Variants in NRCAM observed in about 807,000 individuals in gnomAD.
NRCAM encodes neuronal cell adhesion molecule, also known as NgCAM-related cell adhesion molecule.
Under a neutral mutation model 156.5 loss-of-function variants are expected in NRCAM, and 83 were observed. The observed-to-expected ratio is 0.53, with a 90% confidence interval of 0.44 to 0.64. NRCAM has a LOEUF of 0.64. Among genes scored for constraint, NRCAM ranks in the 30% least tolerant of loss-of-function variants. NRCAM has a pLI of 0.00. For synonymous variants in NRCAM, 538 were observed against 563.9 expected, an observed-to-expected ratio of 0.95 and a Z score of 0.65; for missense variants, 1,417 against 1,597.3, an observed-to-expected ratio of 0.89 and a Z score of 1.92.
At chr7:108,370,791 T>C (rs2099623379) in intron 2 of NRCAM, among the ~76,000 whole-genome samples, 1 of 152,176 alleles carries the variant, frequency 6.6e-6, no homozygotes, top group East Asian at 1.9e-4. Flanking sequence ...CTAGTCAAGA[T>C]GGCAGCACAC....
chr7:108,439,426 A>G (rs539414993), intron 1 of NRCAM, among the ~76,000 whole-genome samples: 1 of 152,350 alleles, frequency 6.6e-6, no homozygotes, highest in South Asian at 2.1e-4. Flanking sequence ...AAAAACCGGC[A>G]AAACATTTAG....
In NRCAM at chr7:108,149,760, G is replaced by A; in HGVS notation, c.*150C>T. On this transcript the variant is annotated 3_prime_UTR_variant, in exon 33 of 33. Coordinates refer to ENST00000379028, the MANE Select transcript of NRCAM (RefSeq NM_001037132.4). The stretch of plus-strand genomic sequence containing the variant: ...TCATATTAACATATCATTTGACTGA[G>A]TTATGTTTTTGCTGTAACTATTCTC... 1.5e-6 allele frequency: 1 copy of A among 676,102 alleles called. No homozygotes were observed. Among genetic ancestry groups the A allele is most frequent in the South Asian group, 2.0e-5 (1 of 50,472 alleles). The allele number at this position is 676,102 out of a possible 1,614,324, so 41.9% of individuals were successfully genotyped here. A position where few individuals can be genotyped will look rare whatever the true frequency, so the allele number is the denominator to read the frequency against.
At chr7:108,455,252 G>C (rs896066582) in intron 1 of NRCAM, among the ~76,000 whole-genome samples, 1 of 152,144 alleles carries the variant, frequency 6.6e-6, no homozygotes, top group Non-Finnish European at 1.5e-5. Flanking sequence ...AGCTGAGCTG[G>C]CCAACCGCCT....
chr7:108,190,942 A>G (rs997064982), intron 19 of NRCAM, among the ~76,000 whole-genome samples: 2 of 152,224 alleles, frequency 1.3e-5, no homozygotes, highest in Non-Finnish European at 2.9e-5. Context: ...AATGTGGATG[A>G]TGGCTTTTGA....
chr7:108,356,556 G>A (rs1469504543), intron 2 of NRCAM, among the ~76,000 whole-genome samples: 1 of 152,076 alleles, frequency 6.6e-6, no homozygotes, highest in Non-Finnish European at 1.5e-5. Context: ...TCTGTTTAAC[G>A]AGGAGCTATA....
At chr7:108,306,928 TG>T (rs1259895140) in intron 3 of NRCAM, among the ~76,000 whole-genome samples, 5 of 152,196 alleles carry the variant, frequency 3.3e-5, no homozygotes, top group African/African-American at 1.2e-4. Context: ...ACAAAACTTT[TG>T]AAAAGAATAA....
At chr7:108,351,236 A>C (rs1199519762) in intron 2 of NRCAM, among the ~76,000 whole-genome samples, 1 of 152,206 alleles carries the variant, frequency 6.6e-6, no homozygotes, top group Admixed American at 6.5e-5. Flanking sequence ...GGGATAACAC[A>C]GAAAGAAGGC....
chr7:108,304,320 A>G (rs2154161214), intron 3 of NRCAM, among the ~76,000 whole-genome samples: 1 of 151,060 alleles, frequency 6.6e-6, no homozygotes, highest in South Asian at 2.1e-4. Flanking sequence ...ACTGGTCACC[A>G]CTCTTTTGAA....
intron 13 of NRCAM, among the ~76,000 whole-genome samples, chr7:108,204,919 C>A (rs1025658119): frequency 2.0e-5 from 3 of 152,114 alleles, no homozygotes; most frequent in Non-Finnish European, 2.9e-5. Context: ...CCAAAGCAGG[C>A]CTTTTATGGT....
rs2095430033 is a variant in NRCAM, at chr7:108,240,146, G to A, written c.-82C>T. 2.2e-6 allele frequency: 2 copies of A among 899,642 alleles called. No individual in the cohort carries two copies. Among genetic ancestry groups the A allele is most frequent in the Non-Finnish European group, 3.6e-6 (2 of 558,192 alleles). 55.7% of individuals were successfully genotyped at this position (899,642 alleles called of 1,614,324 possible). On this transcript the variant is annotated 5_prime_UTR_variant, in exon 4 of 33. It adds an upstream start codon to the 5' untranslated region. Coordinates refer to ENST00000379028, the MANE Select transcript of NRCAM (RefSeq NM_001037132.4). The stretch of plus-strand genomic sequence containing the variant: ...GATTTTGTGAAACGTTGTGTGCAAC[G>A]TTTAAGTAATTTTCATGCGGGAAAC...
At chr7:108,268,037 ATAAG>A (rs1360765009) in intron 3 of NRCAM, among the ~76,000 whole-genome samples, 1 of 29,772 alleles carries the variant, frequency 3.4e-5, no homozygotes, top group Non-Finnish European at 7.2e-5. Flanking sequence ...AATATAGCAA[ATAAG>A]TAAAATTCAT....
intron 1 of NRCAM, among the ~76,000 whole-genome samples, chr7:108,443,048 T>C (rs113905572): frequency 3.3e-5 from 5 of 152,218 alleles, no homozygotes; most frequent in Admixed American, 1.3e-4. Context: ...AAACCTCAAA[T>C]TGGCAAATGG....
Position 108,184,439 on chromosome 7 carries a change from C to T in NRCAM, c.2211G>A (p.Glu737=). 1 of 1,614,174 alleles carries T rather than the reference C, an allele frequency of 6.2e-7. No individual in the cohort carries two copies. The highest frequency in any genetic ancestry group is 8.5e-7 in the Non-Finnish European group (1 of 1,180,040). ...TACCTGAGGCTTTCGTCAAATACTG[C>T]TCAGACGCCTCGCTGGGCAAGCTCT... The part of the protein sequence containing the change: ...IGKSLPSEAS[E]QYLTKASEPD... Residue 737 remains glutamate (E), a synonymous_variant, in exon 21 of 33, where the codon GAG becomes GAA. Coordinates refer to ENST00000379028, the MANE Select transcript of NRCAM (RefSeq NM_001037132.4).
At chr7:108,250,202 T>C (rs1428322502) in intron 3 of NRCAM, among the ~76,000 whole-genome samples, 2 of 152,098 alleles carry the variant, frequency 1.3e-5, no homozygotes, top group Non-Finnish European at 2.9e-5. Flanking sequence ...GTGGATCACT[T>C]GAGCTTAGGA....
intron 28 of NRCAM, among the ~76,000 whole-genome samples, chr7:108,172,741 TAAG>T (rs1424269338): frequency 5.3e-5 from 8 of 152,238 alleles, no homozygotes; most frequent in African/African-American, 1.7e-4. Flanking sequence ...AGGAGAATGG[TAAG>T]AAGAAGGGTT....
At chr7:108,434,866 C>T (rs146661237) in intron 1 of NRCAM, among the ~76,000 whole-genome samples, 1 of 152,176 alleles carries the variant, frequency 6.6e-6, no homozygotes, top group East Asian at 1.9e-4. Context: ...CACAGATTTA[C>T]TACAAACAAG....
chr7:108,188,650 G>C lies in NRCAM; in HGVS notation c.2035+995C>G, dbSNP rs1263557318. Among the ~76,000 whole-genome samples the C allele has an allele frequency of 3.3e-5, 5 of 150,114 alleles. No individual in the cohort carries two copies. In the East Asian group the frequency reaches 8.2e-4, roughly 25 times the overall value. Reference sequence around the variant, plus strand: ...TATTATTTTAATATAGGAAAAAAGAGTCTCCAAGCCATCTAACCAGCTAAC... The same window carrying C: ...TATTATTTTAATATAGGAAAAAAGACTCTCCAAGCCATCTAACCAGCTAAC... On this transcript the variant is annotated intron_variant, in intron 20 of 32. Transcript: ENST00000379028.
intron 2 of NRCAM, among the ~76,000 whole-genome samples, chr7:108,318,492 C>A (rs772130624): frequency 2.6e-5 from 4 of 152,174 alleles, no homozygotes; most frequent in Non-Finnish European, 5.9e-5. Context: ...GTTAGATTCC[C>A]TTTCTCAAAG....
intron 11 of NRCAM, among the ~76,000 whole-genome samples, chr7:108,215,672 C>G (rs2087984618): frequency 6.7e-6 from 1 of 150,014 alleles, no homozygotes; most frequent in Non-Finnish European, 1.5e-5. Flanking sequence ...ATACCCTTGT[C>G]TTTTTTGATC....
Sources: gnomAD v4.1 joint callset for allele counts (sites outside exome capture counted in the v4.1 genomes callset) on GRCh38, gnomAD v4.1.1 for gene constraint, MANE v1.5 for transcripts, NCBI Gene and HGNC (gene_info 2026-07-23, HGNC 2026-07-21) for gene names.